The following APBA1 variants were observed in gnomAD, a reference collection of about 807,000 sequenced individuals.
APBA1 encodes amyloid beta precursor protein binding family A member 1.
A neutral mutation model predicts 86.6 loss-of-function variants in APBA1; 55 were observed. That is an observed-to-expected ratio of 0.64 (90% confidence interval 0.51 to 0.80). APBA1 has a LOEUF of 0.80. Ranked by LOEUF, APBA1 falls within the 30% of genes least tolerant of loss-of-function variation. The probability of loss-of-function intolerance (pLI) is 0.00; values close to 1 mark genes in which losing one functional copy is unlikely to be tolerated. For synonymous variants in APBA1, 511 were observed against 493.9 expected, an observed-to-expected ratio of 1.03 and a Z score of -0.46; for missense variants, 1,090 against 1,183.0, an observed-to-expected ratio of 0.92 and a Z score of 1.15.
At chr9:69,600,158 T>C (rs1822317712) in intron 1 of APBA1, among the ~76,000 whole-genome samples, 1 of 152,172 alleles carries the variant, frequency 6.6e-6, no homozygotes, top group South Asian at 2.1e-4. Context: ...TTGGGACTCC[T>C]GTTAACTCCC....
At chr9:69,464,219 C>T (rs550973325) in intron 5 of APBA1, 2 of 152,328 alleles carry the variant, frequency 1.3e-5, no homozygotes, top group African/African-American at 4.8e-5. Context: ...TCTCCATTTA[C>T]ACTTGGAAAA....
chr9:69,653,789 C>T (rs4744926), intron 1 of APBA1, among the ~76,000 whole-genome samples: 139,542 of 152,260 alleles, frequency 0.92, 64,490 homozygotes, highest in East Asian at 1. Context: ...CCAAAACCTA[C>T]GGGATACAGC....
intron 1 of APBA1, among the ~76,000 whole-genome samples, chr9:69,658,283 TCTC>T (rs2134022810): frequency 6.2e-5 from 1 of 16,142 alleles, no homozygotes; most frequent in African/African-American, 1.6e-4. Flanking sequence ...TTTCTTTCTT[TCTC>T]TCTCTCTTTC....
rs113367940 is a variant in APBA1 at position 69,541,143 on chromosome 9, G to A, written c.-69-23864C>T. Among the ~76,000 whole-genome samples the A allele has an allele frequency of 4.5e-3, 692 of 152,122 alleles. 4 individuals are homozygous for A. The highest frequency in any genetic ancestry group is 0.012 in the African/African-American group (496 of 41,500). On this transcript the variant is annotated intron_variant, in intron 1 of 12. Coordinates refer to ENST00000265381, the MANE Select transcript of APBA1 (RefSeq NM_001163.4). ...CCTTGGCTATTGTGAATAATGCTAC[G>A]ATAAATGTTTTGCAAATATTTCTTT...
At chr9:69,471,558 C>T in intron 4 of APBA1, 98 bp downstream of exon 4, 1 of 1,005,614 alleles carries the variant, frequency 9.9e-7, no homozygotes, top group Non-Finnish European at 1.6e-6. Context: ...TGTGGCCTTT[C>T]TTCCCTTCCA....
intron 3 of APBA1, among the ~76,000 whole-genome samples, chr9:69,474,570 A>G (rs1835412654): frequency 6.6e-6 from 1 of 152,202 alleles, no homozygotes; most frequent in African/African-American, 2.4e-5. Context: ...TCACCCAACC[A>G]TGTGATATAA....
At chr9:69,576,956 G>A (rs1821814145) in intron 1 of APBA1, among the ~76,000 whole-genome samples, 2 of 151,784 alleles carry the variant, frequency 1.3e-5, no homozygotes, top group African/African-American at 4.8e-5. Flanking sequence ...TTTTTGGAGG[G>A]ATGATAAAAA....
rs1244175067 is a variant in APBA1, at chr9:69,467,877, A to G, written c.1428T>C (p.Thr476=). 6.2e-7 allele frequency: 1 copy of G among 1,614,084 alleles called. No homozygotes were observed. The highest frequency in any genetic ancestry group is 1.3e-5 in the African/African-American group (1 of 74,998). The part of the protein sequence containing the change: ...LGSTQLLSDK[T]PSKNVRMMQA... ...GCATCATGCGCACGTTTTTGGAAGG[A>G]GTTTTGTCTGAGAGCAGCTGAGTGG... Residue 476 remains threonine (T), a synonymous_variant, in exon 5 of 13, where the codon ACT becomes ACC. Coordinates refer to ENST00000265381, the MANE Select transcript of APBA1 (RefSeq NM_001163.4).
chr9:69,633,143 T>A (rs893731707), intron 1 of APBA1, among the ~76,000 whole-genome samples: 2 of 151,836 alleles, frequency 1.3e-5, no homozygotes, highest in African/African-American at 4.8e-5. Context: ...TATTTTTATT[T>A]TTTTATTATT....
intron 1 of APBA1, among the ~76,000 whole-genome samples, chr9:69,552,854 C>T (rs1051894290): frequency 2.0e-5 from 3 of 151,052 alleles, no homozygotes; most frequent in Non-Finnish European, 4.4e-5. Flanking sequence ...AGTTAATTTC[C>T]TTCTACCCTC....
intron 1 of APBA1, among the ~76,000 whole-genome samples, chr9:69,615,118 T>G (rs1822674180): frequency 6.6e-6 from 1 of 152,180 alleles, no homozygotes; most frequent in Non-Finnish European, 1.5e-5. Flanking sequence ...GAGAATTGCG[T>G]GAACCCAGAA....
At chr9:69,471,522 C>T (rs908488218) in intron 4 of APBA1, 134 bp downstream of exon 4, 88 of 749,820 alleles carry the variant, frequency 1.2e-4, no homozygotes, top group Non-Finnish European at 1.8e-4. Flanking sequence ...GATCCTAAGA[C>T]TGCTAACATT....
intron 1 of APBA1, among the ~76,000 whole-genome samples, chr9:69,523,674 A>G (rs1196890600): frequency 1.3e-5 from 2 of 151,564 alleles, no homozygotes; most frequent in African/African-American, 4.8e-5. Flanking sequence ...CATCAAAGCA[A>G]AAAACTAACA....
At chr9:69,634,119 G>C (rs961294820) in intron 1 of APBA1, among the ~76,000 whole-genome samples, 2 of 152,172 alleles carry the variant, frequency 1.3e-5, no homozygotes, top group Admixed American at 1.3e-4. Flanking sequence ...TCATATCAGT[G>C]AAAGAGGCAC....
rs1393765356 is a variant in APBA1, at chr9:69,551,897, C to T, written c.-69-34618G>A. 3.9e-5 allele frequency among the ~76,000 whole-genome samples: 6 copies of T among 152,186 alleles called. No homozygotes were observed. The East Asian group carries it at 1.2e-3, about 29-fold the overall frequency. ...TTCTCTTTCTCTACTTCCCTTAATT[C>T]CATAAAACTTTAATGCCTACTCTGC... On this transcript the variant is annotated intron_variant, in intron 1 of 12. Transcript: ENST00000265381.
At chr9:69,622,547 T>C (rs1822842098) in intron 1 of APBA1, among the ~76,000 whole-genome samples, 1 of 150,024 alleles carries the variant, frequency 6.7e-6, no homozygotes. Context: ...ACCTTTTTAT[T>C]CCAAGTGGCT....
At chr9:69,490,767 A>C (rs1835695578) in intron 2 of APBA1, among the ~76,000 whole-genome samples, 1 of 152,080 alleles carries the variant, frequency 6.6e-6, no homozygotes. Context: ...AGAAAAAAGC[A>C]AACAACCCCA....
At chr9:69,446,311 C>T (rs186714544) in intron 10 of APBA1, among the ~76,000 whole-genome samples, 1,664 of 152,250 alleles carry the variant, frequency 0.011, 24 homozygotes, top group Non-Finnish European at 0.016. Context: ...CAACAAGCGG[C>T]GCACTGTGGC....
chr9:69,650,725 C>G (rs1823482276), intron 1 of APBA1, among the ~76,000 whole-genome samples: 1 of 152,116 alleles, frequency 6.6e-6, no homozygotes, highest in Non-Finnish European at 1.5e-5. Flanking sequence ...AGCTGGACAA[C>G]AAAATCAGAA....
Sources: allele counts gnomAD v4.1 joint callset (sites outside exome capture counted in the v4.1 genomes callset), GRCh38; gene constraint gnomAD v4.1.1; transcripts MANE v1.5; gene names NCBI Gene and HGNC (gene_info 2026-07-23, HGNC 2026-07-21).